NDUFV3: variants seen among roughly 807,000 people sequenced by gnomAD.
NDUFV3 encodes NADH:ubiquinone oxidoreductase subunit V3.
NDUFV3 carries 44 observed loss-of-function variants against 37.5 expected under a neutral mutation model. The observed-to-expected ratio is 1.17, with a 90% CI of 0.92 to 1.51. The LOEUF (loss-of-function observed/expected upper bound fraction) is 1.51, where lower values mean the gene tolerates loss of function less well. Among genes scored for constraint, NDUFV3 ranks in the 40% most tolerant of loss-of-function variants. The probability of loss-of-function intolerance (pLI) is 0.00; values close to 1 mark genes in which losing one functional copy is unlikely to be tolerated. For synonymous variants in NDUFV3, 235 were observed against 239.3 expected, an observed-to-expected ratio of 0.98 and a Z score of 0.17; for missense variants, 580 against 580.4, an observed-to-expected ratio of 1.00 and a Z score of 0.01.
In NDUFV3 at chr21:42,903,704, G is replaced by T. The variant is rs151117436; in HGVS notation, c.692G>T (p.Gly231Val). 2 of 1,614,092 alleles carry T rather than the reference G, an allele frequency of 1.2e-6. No individual in the cohort carries two copies. Among genetic ancestry groups the T allele is most frequent in the Middle Eastern group, 1.7e-4 (1 of 6,060 alleles). The change falls in exon 3 of 4, where the codon GGG (glycine) becomes GTG (valine). Residue 231 changes from glycine to valine, a missense_variant. Gly to Val is a moderately radical substitution (Grantham distance 109). Transcript: ENST00000354250. ...AAGCCCCACCAGCCAAAGAAGAAAG[G>T]GTCCCCTGCTAAGCCATCAGAAGGC... ...PEKPHQPKKK[G>V]SPAKPSEGRE... is the part of the protein sequence containing the mutation.
At chr21:42,901,806 G>T (rs563806735) in intron 2 of NDUFV3, among the ~76,000 whole-genome samples, 106 of 152,292 alleles carry the variant, frequency 7.0e-4, no homozygotes, top group African/African-American at 2.5e-3. Flanking sequence ...GTCCACACAG[G>T]TGTCAGCGGA....
In NDUFV3 at chr21:42,910,992, C is replaced by T. The variant is rs1481661929; in HGVS notation, c.*1971C>T. On this transcript the variant is annotated 3_prime_UTR_variant, in exon 4 of 4. Coordinates refer to ENST00000354250, the MANE Select transcript of NDUFV3 (RefSeq NM_021075.4). Reference sequence around the variant, plus strand: ...GCACGGTGGCTTACGCCTGTAATCCCAGCACTTTGGGAAGCCAAGGCGGAT... The same window carrying T: ...GCACGGTGGCTTACGCCTGTAATCCTAGCACTTTGGGAAGCCAAGGCGGAT... The T allele has an allele frequency of 6.6e-6, 1 of 152,432 alleles. No individual in the cohort carries two copies. Among genetic ancestry groups the T allele is most frequent in the African/African-American group, 2.4e-5 (1 of 41,464 alleles). The allele number at this position is 152,432 out of a possible 1,614,324, so 9.4% of individuals were successfully genotyped here.
rs1336327721 is a variant in NDUFV3, at chr21:42,903,525, A to G, written c.513A>G (p.Ser171=). 13 of 1,614,040 alleles carry G rather than the reference A, an allele frequency of 8.1e-6. No individual in the cohort carries two copies. Among genetic ancestry groups the G allele is most frequent in the Non-Finnish European group, 1.1e-5 (13 of 1,180,044 alleles). The change falls in exon 3 of 4, where the codon TCA becomes TCG. Residue 171 remains serine, a synonymous_variant. Transcript: ENST00000354250. ...DSESDDEADV[S]EVTPRVVSKG... is the part of the protein sequence containing the mutation. ...AATCTGATGATGAGGCTGACGTTTCAGAGGTCACTCCTCGAGTGGTGAGCA... is the reference window on the plus strand; with the variant it reads ...AATCTGATGATGAGGCTGACGTTTCGGAGGTCACTCCTCGAGTGGTGAGCA...
In NDUFV3 at chr21:42,908,982, G is replaced by A. The variant is rs2058755259; in HGVS notation, c.1383G>A (p.Met461Ile). Residue 461 changes from methionine to isoleucine, a missense_variant, in exon 4 of 4, where the codon ATG (methionine) becomes ATA (isoleucine). By Grantham distance (10) the Met-to-Ile change is conservative. Transcript: ENST00000354250. ...ACCTCGAACTCTCAAAATTCAGGAT[G>A]CCTCAGCCCTCCTCAGGCCGGGAGT... ...DLNLELSKFR[M>I]PQPSSGRESP... 6.2e-7 allele frequency: 1 copy of A among 1,614,022 alleles called. No individual in the cohort carries two copies. The highest frequency in any genetic ancestry group is 1.1e-5 in the South Asian group (1 of 91,082).
chr21:42,905,549 CTT>C (rs1382772781), intron 3 of NDUFV3, among the ~76,000 whole-genome samples: 2 of 152,132 alleles, frequency 1.3e-5, no homozygotes, highest in African/African-American at 4.8e-5. Context: ...GGGTTTTGCT[CTT>C]GTTGCCCAGG....
chr21:42,904,512 G>A (rs1338371059), intron 3 of NDUFV3, among the ~76,000 whole-genome samples: 16 of 111,966 alleles, frequency 1.4e-4, no homozygotes, highest in Non-Finnish European at 2.3e-4. Flanking sequence ...TTTTTTTTGA[G>A]ATGGTGTCTT....
chr21:42,905,256 C>T lies in NDUFV3; in HGVS notation c.1264+980C>T, dbSNP rs139042008. 3.1e-3 allele frequency among the ~76,000 whole-genome samples: 466 copies of T among 152,262 alleles called. 1 individual carries two copies. The highest frequency in any genetic ancestry group is 9.9e-3 in the African/African-American group (412 of 41,538). ...CTCGCTAAGTGAAAAGGGGAGCCTC[C>T]GGTTTAACTTGCATAGGTGAAGAGC... On this transcript the variant is annotated intron_variant, in intron 3 of 3. Transcript: ENST00000354250.
chr21:42,894,784 C>T (rs780876359), intron 1 of NDUFV3, among the ~76,000 whole-genome samples: 3 of 151,408 alleles, frequency 2.0e-5, no homozygotes, highest in East Asian at 3.9e-4. Context: ...TATATGTTCA[C>T]ATAAGCACAT....
At chr21:42,902,463 T>C (rs1398244747) in intron 2 of NDUFV3, among the ~76,000 whole-genome samples, 1 of 152,190 alleles carries the variant, frequency 6.6e-6, no homozygotes, top group African/African-American at 2.4e-5. Context: ...TTACTTTTGA[T>C]AGGGGGATCA....
intron 3 of NDUFV3, 22 bp from the exon 4 acceptor site, chr21:42,908,842 G>A (rs939824602): frequency 4.3e-6 from 7 of 1,613,954 alleles, no homozygotes; most frequent in South Asian, 2.2e-5. Flanking sequence ...TTGGTCTCAT[G>A]GGCATCGTGT....
At chr21:42,894,102 C>A (rs2058670432) in intron 1 of NDUFV3, among the ~76,000 whole-genome samples, 1 of 150,060 alleles carries the variant, frequency 6.7e-6, no homozygotes, top group Non-Finnish European at 1.5e-5. Context: ...GTAATCCCAG[C>A]TACTCGGGAG....
chr21:42,904,312 C>G (rs1183485848), intron 3 of NDUFV3, 36 bp downstream of exon 3: 4 of 1,561,194 alleles, frequency 2.6e-6, no homozygotes, highest in Non-Finnish European at 3.5e-6. Flanking sequence ...TGCACCCTGT[C>G]CCTTAGGGTA....
At chr21:42,896,785 G>C (rs1485279148) in intron 1 of NDUFV3, 142 bp from the exon 2 acceptor site, 16 of 745,774 alleles carry the variant, frequency 2.1e-5, no homozygotes, top group Non-Finnish European at 3.1e-5. Context: ...GCTGCAGTGA[G>C]CCATGATTGT....
Position 42,903,470 on chromosome 21 carries a change from C to T in NDUFV3, c.458C>T (p.Ser153Phe). The T allele has an allele frequency of 6.2e-7, 1 of 1,614,090 alleles. No homozygotes were observed. The highest frequency in any genetic ancestry group is 2.2e-5 in the East Asian group (1 of 44,886). Reference protein sequence around the residue: ...QVGRKVTSPSSSSSSSSSDSE... With the variant: ...QVGRKVTSPSFSSSSSSSDSE... ...GGTCGGAAAGTGACGTCGCCTTCGTCTTCATCCTCTTCCAGCTCCTCTGAT... is the reference window on the plus strand; with the variant it reads ...GGTCGGAAAGTGACGTCGCCTTCGTTTTCATCCTCTTCCAGCTCCTCTGAT... The change falls in exon 3 of 4, where the codon TCT becomes TTT. Residue 153 changes from serine (S) to phenylalanine (F), a missense_variant. Coordinates refer to ENST00000354250, the MANE Select transcript of NDUFV3 (RefSeq NM_021075.4).
Position 42,909,142 on chromosome 21 carries a change from T to A in NDUFV3, c.*121T>A. ...TAATCGGTTTCACTTTTACCTTTTT[T>A]TTTTTTTTTTTTTTTTTGAGACAGG... On this transcript the variant is annotated 3_prime_UTR_variant, in exon 4 of 4. Transcript: ENST00000354250. 5.4e-6 allele frequency: 5 copies of A among 932,968 alleles called. No homozygotes were observed. The highest frequency in any genetic ancestry group is 6.2e-6 in the Non-Finnish European group (4 of 647,572). The allele number at this position is 932,968 out of a possible 1,614,324, so 57.8% of individuals were successfully genotyped here. A position where few individuals can be genotyped will look rare whatever the true frequency, so the allele number is the denominator to read the frequency against.
intron 3 of NDUFV3, chr21:42,906,779 C>T: frequency 2.1e-6 from 1 of 481,894 alleles, no homozygotes; most frequent in South Asian, 1.5e-5. Flanking sequence ...TTTTGTAACC[C>T]ACGTCTTGGT....
chr21:42,904,194 G>C lies in NDUFV3; in HGVS notation c.1182G>C (p.Lys394Asn), dbSNP rs1174961274. 4 of 1,614,054 alleles carry C rather than the reference G, an allele frequency of 2.5e-6. No individual in the cohort carries two copies. The highest frequency in any genetic ancestry group is 1.1e-5 in the South Asian group (1 of 91,068). ...PVENNHGFHE[K>N]TAALKLEAEG... ...AGAATAACCACGGTTTCCATGAAAA[G>C]ACAGCAGCGCTGAAGCTTGAGGCCG... The change falls in exon 3 of 4, where the codon AAG becomes AAC. Residue 394 changes from lysine to asparagine, a missense_variant. Coordinates refer to ENST00000354250, the MANE Select transcript of NDUFV3 (RefSeq NM_021075.4).
At chr21:42,899,548 C>T (rs544162673) in intron 2 of NDUFV3, among the ~76,000 whole-genome samples, 2 of 152,184 alleles carry the variant, frequency 1.3e-5, no homozygotes, top group East Asian at 3.9e-4. Flanking sequence ...GGGTTCAAGC[C>T]ATTCTCCTGC....
At chr21:42,900,419 C>T (rs1035285223) in intron 2 of NDUFV3, among the ~76,000 whole-genome samples, 2 of 152,244 alleles carry the variant, frequency 1.3e-5, no homozygotes, top group African/African-American at 2.4e-5. Context: ...AGGAGAATCG[C>T]TTGGACCCAG....
Sources: allele counts gnomAD v4.1 joint callset (sites outside exome capture counted in the v4.1 genomes callset), GRCh38; gene constraint gnomAD v4.1.1; transcripts MANE v1.5; gene names NCBI Gene and HGNC (gene_info 2026-07-23, HGNC 2026-07-21).